CMTR1: variants seen among roughly 807,000 people sequenced by gnomAD.
CMTR1 encodes cap methyltransferase 1, also known as cap-specific mRNA (nucleoside-2'-O-)-methyltransferase 1.
Under a neutral mutation model 107.0 loss-of-function variants are expected in CMTR1, and 39 were observed. The observed-to-expected ratio is 0.36, with a 90% CI of 0.28 to 0.48. The LOEUF is 0.48. CMTR1 is among the 20% of genes least tolerant of loss of function. The pLI is 0.99. For missense variants in CMTR1, 672 were observed against 1,064.9 expected, an observed-to-expected ratio of 0.63 and a Z score of 5.14; for synonymous variants, 366 against 379.5, an observed-to-expected ratio of 0.96 and a Z score of 0.41.
At chr6:37,428,056 GA>G in the CMTR1 span, among the ~76,000 whole-genome samples, 143 of 134,978 alleles carry the variant, frequency 1.1e-3, 1 homozygote, top group African/African-American at 3.6e-3. Flanking sequence ...GAGAGAGAGA[GA>G]GAGAAACTCT....
chr6:37,471,400 C>G (rs748522200), intron 14 of CMTR1, among the ~76,000 whole-genome samples: 6 of 152,158 alleles, frequency 3.9e-5, no homozygotes, highest in Admixed American at 6.5e-5. Flanking sequence ...AAAGAGTGAT[C>G]AAGAGAGGAG....
At chr6:37,461,031 G>A (rs748817220) in intron 10 of CMTR1, among the ~76,000 whole-genome samples, 4 of 152,116 alleles carry the variant, frequency 2.6e-5, no homozygotes, top group Non-Finnish European at 5.9e-5. Context: ...CAGGAAAGGG[G>A]GTATTGTAAG....
chr6:37,452,567 G>T (rs1340851816), intron 6 of CMTR1, among the ~76,000 whole-genome samples: 1 of 152,156 alleles, frequency 6.6e-6, no homozygotes, highest in Admixed American at 6.5e-5. Context: ...TCTTTATCTA[G>T]AGAGGAAATT....
intron 22 of CMTR1, among the ~76,000 whole-genome samples, chr6:37,478,933 A>G (rs932612971): frequency 5.9e-5 from 9 of 152,074 alleles, no homozygotes; most frequent in African/African-American, 2.2e-4. Flanking sequence ...GGTTGGCAGG[A>G]CTGGGGTGGG....
At chr6:37,479,955 A>G in intron 23 of CMTR1, 58 bp from the exon 24 acceptor site, 6 of 1,436,144 alleles carry the variant, frequency 4.2e-6, no homozygotes, top group Non-Finnish European at 5.5e-6. Context: ...TTAAGAACAC[A>G]TGACCCTGTG....
At chr6:37,425,156 C>A in the CMTR1 span, among the ~76,000 whole-genome samples, 9 of 151,460 alleles carry the variant, frequency 5.9e-5, no homozygotes, top group Admixed American at 2.6e-4. Context: ...GTTGGCCAGG[C>A]TGGTCTCGAA....
Position 37,477,611 on chromosome 6 carries a change from C to T in CMTR1, c.2125C>T (p.Leu709=). 1.2e-6 allele frequency: 2 copies of T among 1,613,384 alleles called. No homozygotes were observed. Among genetic ancestry groups the T allele is most frequent in the Non-Finnish European group, 1.7e-6 (2 of 1,179,506 alleles). The change falls in exon 21 of 24, where the codon CTG becomes TTG. Residue 709 remains leucine, a synonymous_variant. Transcript: ENST00000373451. ...NPIRVKEVYR[L]EEMEKIFVRL... ...CTGCAGGGTGAAGGAGGTGTACAGACTGGAAGAGATGGAGAAGATTTTTGT... is the reference window on the plus strand; with the variant it reads ...CTGCAGGGTGAAGGAGGTGTACAGATTGGAAGAGATGGAGAAGATTTTTGT...
chr6:37,461,667 C>T (rs1488971081), intron 11 of CMTR1, 22 bp downstream of exon 11: 4 of 1,512,908 alleles, frequency 2.6e-6, no homozygotes, highest in Non-Finnish European at 3.6e-6. Context: ...TCAGCTGTCT[C>T]CTCACCCCAG....
intron 2 of CMTR1, among the ~76,000 whole-genome samples, chr6:37,443,287 T>C (rs1271351589): frequency 6.6e-6 from 1 of 152,094 alleles, no homozygotes; most frequent in Non-Finnish European, 1.5e-5. Context: ...GATGTTCTAA[T>C]AATAACCACC....
Position 37,458,148 on chromosome 6 carries a change from G to A in CMTR1, c.778-464G>A, listed in dbSNP as rs768025010. The stretch of plus-strand genomic sequence containing the variant: ...CAGCTCACTGCAACCTCTGCCTCCC[G>A]GGTTCAAGCAATTCTCATGCCTCAG... On this transcript the variant is annotated intron_variant, in intron 8 of 23. Coordinates refer to ENST00000373451, the MANE Select transcript of CMTR1 (RefSeq NM_015050.3). This position sits in a 1 kb window ranked among gnomAD's most constrained non-coding sequence, Gnocchi z 4.7. 1.1e-4 allele frequency among the ~76,000 whole-genome samples: 17 copies of A among 151,992 alleles called. No homozygotes were observed. Among genetic ancestry groups the A allele is most frequent in the East Asian group, 1.9e-4 (1 of 5,196 alleles).
At chr6:37,442,809 C>T (rs915696862) in intron 2 of CMTR1, among the ~76,000 whole-genome samples, 1 of 152,112 alleles carries the variant, frequency 6.6e-6, no homozygotes, top group Non-Finnish European at 1.5e-5. Flanking sequence ...GAATAGTGAC[C>T]ACCTCGGGTC....
chr6:37,457,466 A>C (rs1226596285), intron 8 of CMTR1, among the ~76,000 whole-genome samples: 1 of 152,112 alleles, frequency 6.6e-6, no homozygotes, highest in Non-Finnish European at 1.5e-5. Flanking sequence ...AAGGGAGTGC[A>C]AAAAGGAGAG....
chr6:37,446,546 C>G, intron 4 of CMTR1, 97 bp downstream of exon 4: 1 of 1,388,418 alleles, frequency 7.2e-7, no homozygotes, highest in South Asian at 1.3e-5. Context: ...TCTCCAGAGG[C>G]AGTATGAGCA....
intron 2 of CMTR1, among the ~76,000 whole-genome samples, chr6:37,438,412 G>T (rs1047193625): frequency 6.6e-6 from 1 of 152,120 alleles, no homozygotes; most frequent in Non-Finnish European, 1.5e-5. Context: ...AAATCCAGAG[G>T]TGTCCAGTTC....
intron 8 of CMTR1, among the ~76,000 whole-genome samples, chr6:37,454,235 C>T (rs1761245045): frequency 6.6e-6 from 1 of 152,202 alleles, no homozygotes; most frequent in African/African-American, 2.4e-5. Flanking sequence ...TTCCACTAGA[C>T]CCCCTGATTA....
chr6:37,474,109 T>C (rs1272485689), intron 17 of CMTR1, among the ~76,000 whole-genome samples: 1 of 152,260 alleles, frequency 6.6e-6, no homozygotes, highest in Admixed American at 6.5e-5. Flanking sequence ...TCTATATAAT[T>C]TGATCCTGTC....
chr6:37,481,394 C>G lies in CMTR1; in HGVS notation c.*1249C>G. The G allele has an allele frequency of 1.7e-6, 2 of 1,186,586 alleles. No homozygotes were observed. The highest frequency in any genetic ancestry group is 2.1e-6 in the Non-Finnish European group (2 of 941,544). 73.5% of individuals were successfully genotyped at this position (1,186,586 alleles called of 1,614,324 possible). On this transcript the variant is annotated 3_prime_UTR_variant, in exon 24 of 24. Transcript: ENST00000373451. Reference sequence around the variant, plus strand: ...TGGGGGTCCTTCAGCCAGCATCCAGCTCCCCACCCCCAGGCTGGCAGTAGC... The same window carrying G: ...TGGGGGTCCTTCAGCCAGCATCCAGGTCCCCACCCCCAGGCTGGCAGTAGC...
rs147698526 is a variant in CMTR1, at chr6:37,480,100, G to A, written c.2463G>A (p.Leu821=). 8 of 1,598,368 alleles carry A rather than the reference G, an allele frequency of 5.0e-6. No individual in the cohort carries two copies. Among genetic ancestry groups the A allele is most frequent in the Non-Finnish European group, 6.8e-6 (8 of 1,173,366 alleles). Residue 821 remains leucine, a synonymous_variant, in exon 24 of 24, where the codon CTG becomes CTA. Coordinates refer to ENST00000373451, the MANE Select transcript of CMTR1 (RefSeq NM_015050.3). ...DSQKPQDQDK[L]SKEDVLSFIQ... The stretch of plus-strand genomic sequence containing the variant: ...AGAAGCCCCAGGACCAGGACAAGCT[G>A]TCCAAGGAGGACGTCCTCTCCTTCA...
chr6:37,465,928 GTT>G (rs59230036), intron 13 of CMTR1, among the ~76,000 whole-genome samples: 1 of 150,818 alleles, frequency 6.6e-6, no homozygotes, highest in South Asian at 2.1e-4. Context: ...GATTCTGTAG[GTT>G]TTTTTTTTCC....
Sources: allele counts gnomAD v4.1 joint callset (sites outside exome capture counted in the v4.1 genomes callset), GRCh38; gene constraint gnomAD v4.1.1; non-coding constraint Gnocchi (gnomAD v3.1); transcripts MANE v1.5; gene names NCBI Gene and HGNC (gene_info 2026-07-23, HGNC 2026-07-21).